The following PDE4B variants were observed in gnomAD, a reference collection of about 807,000 sequenced individuals.
The protein encoded by PDE4B is 3',5'-cyclic-AMP phosphodiesterase 4B.
PDE4B carries 20 observed loss-of-function variants against 82.2 expected under a neutral mutation model. That is an observed-to-expected ratio of 0.24 (90% CI 0.17 to 0.35). The LOEUF is 0.35. PDE4B is among the 10% of genes least tolerant of loss of function. The pLI is 1.00. For missense variants in PDE4B, 655 were observed against 907.2 expected (o/e 0.72, Z 3.57); for synonymous variants, 320 against 318.9 (o/e 1.00, Z -0.04).
chr1:66,294,725 GA>G (rs969118973), intron 7 of PDE4B, among the ~76,000 whole-genome samples: 68 of 151,092 alleles, frequency 4.5e-4, no homozygotes, highest in Non-Finnish European at 5.2e-4. Flanking sequence ...CAAAAGAGGA[GA>G]AAAAAACACA....
chr1:66,356,386 C>T lies in PDE4B; in HGVS notation c.841+766C>T, dbSNP rs180874929. Among the ~76,000 whole-genome samples the T allele has an allele frequency of 1.1e-3, 167 of 152,292 alleles. 1 individual carries two copies. The highest frequency in any genetic ancestry group is 1.3e-3 in the Admixed American group (20 of 15,296). On this transcript the variant is annotated intron_variant, in intron 9 of 16. Coordinates refer to ENST00000341517, the MANE Select transcript of PDE4B (RefSeq NM_002600.4). ...CAGTCTTAAAGGCACTTTTGTCTAA[C>T]GAACCTATTTGGACTATTTTGATTT...
At chr1:65,829,433 C>T (rs2101285550) in intron 1 of PDE4B, among the ~76,000 whole-genome samples, 1 of 152,226 alleles carries the variant, frequency 6.6e-6, no homozygotes, top group South Asian at 2.1e-4. Context: ...ATGGCCTAAA[C>T]CATGCTATAA....
rs1184688292 is a variant in PDE4B at position 66,367,800 on chromosome 1, A to T, written c.1489A>T (p.Asn497Tyr). ...LQEEHCDIFM[N>Y]LTKKQRQTLR... ...AGAAGAACACTGTGACATCTTCATG[A>T]ATCTCACCAAGAAGCAGCGTCAGAC... Residue 497 changes from asparagine (N) to tyrosine (Y), a missense_variant, in exon 14 of 17, where the codon AAT (asparagine) becomes TAT (tyrosine). Physicochemically the swap from Asn to Tyr is moderately radical, Grantham distance 143. This residue lies in a region of PDE4B where 283 missense variants were observed against 516.4 expected (regional missense o/e 0.55). Coordinates refer to ENST00000341517, the MANE Select transcript of PDE4B (RefSeq NM_002600.4). 6.2e-7 allele frequency: 1 copy of T among 1,613,908 alleles called. No individual in the cohort carries two copies. The highest frequency in any genetic ancestry group is 1.1e-5 in the South Asian group (1 of 91,066).
chr1:66,352,539 A>G (rs1351041548), intron 8 of PDE4B, among the ~76,000 whole-genome samples: 1 of 152,158 alleles, frequency 6.6e-6, no homozygotes, highest in Admixed American at 6.6e-5. Flanking sequence ...GCCTTTTATG[A>G]TTCAGTTTCT....
intron 3 of PDE4B, among the ~76,000 whole-genome samples, chr1:66,105,496 TG>T (rs1165997316): frequency 6.6e-6 from 1 of 152,194 alleles, no homozygotes; most frequent in Admixed American, 6.6e-5. Flanking sequence ...GGTAACTTGA[TG>T]GGGATGGCAT....
At chr1:65,857,582 G>A (rs765747724) in intron 1 of PDE4B, among the ~76,000 whole-genome samples, 4 of 152,134 alleles carry the variant, frequency 2.6e-5, no homozygotes, top group Non-Finnish European at 4.4e-5. Flanking sequence ...AGCTACTAGG[G>A]AGCCTGAGGC....
In PDE4B at chr1:66,372,922, C is replaced by G; in HGVS notation, c.*244C>G. 2.2e-6 allele frequency: 1 copy of G among 462,918 alleles called. No homozygotes were observed. The highest frequency in any genetic ancestry group is 3.9e-6 in the Non-Finnish European group (1 of 256,708). The allele number at this position is 462,918 out of a possible 1,614,324, so 28.7% of individuals were successfully genotyped here. On this transcript the variant is annotated 3_prime_UTR_variant, in exon 17 of 17. Coordinates refer to ENST00000341517, the MANE Select transcript of PDE4B (RefSeq NM_002600.4). ...CTGAAGCTGTTGCTGGGGGCCGATTCTGATCAAGACACATGGCTTGAAAAT... is the reference window on the plus strand; with the variant it reads ...CTGAAGCTGTTGCTGGGGGCCGATTGTGATCAAGACACATGGCTTGAAAAT...
intron 3 of PDE4B, among the ~76,000 whole-genome samples, chr1:66,101,654 C>T: frequency 6.6e-6 from 1 of 152,064 alleles, no homozygotes; most frequent in East Asian, 1.9e-4. Context: ...CTGTTCATAT[C>T]CTTTGCCCAC....
intron 3 of PDE4B, among the ~76,000 whole-genome samples, chr1:65,972,503 A>G (rs1363828900): frequency 6.6e-6 from 1 of 152,184 alleles, no homozygotes; most frequent in Admixed American, 6.6e-5. Flanking sequence ...AGCTGAATAT[A>G]TTCCTGTGGA....
chr1:66,070,311 A>T (rs941392517), intron 3 of PDE4B, among the ~76,000 whole-genome samples: 2 of 151,876 alleles, frequency 1.3e-5, no homozygotes, highest in African/African-American at 4.8e-5. Context: ...TATTCTTGTT[A>T]CTATATATAG....
intron 3 of PDE4B, among the ~76,000 whole-genome samples, chr1:66,005,466 G>T (rs1261427154): frequency 1.3e-5 from 2 of 152,112 alleles, no homozygotes; most frequent in African/African-American, 2.4e-5. Context: ...TATTGCTTCT[G>T]CTTTGAGAAA....
chr1:66,202,213 A>G (rs1254004216), intron 3 of PDE4B, among the ~76,000 whole-genome samples: 6 of 151,908 alleles, frequency 3.9e-5, no homozygotes, highest in Admixed American at 1.3e-4. Context: ...TCTGAGAGAC[A>G]GTTTGTTATA....
intron 3 of PDE4B, among the ~76,000 whole-genome samples, chr1:66,246,292 A>C (rs1457538269): frequency 1.3e-5 from 2 of 152,262 alleles, no homozygotes; most frequent in East Asian, 3.8e-4. Flanking sequence ...TAAAGTGAAG[A>C]AATATAAGCA....
chr1:65,820,288 A>C (rs1395947768), intron 1 of PDE4B, among the ~76,000 whole-genome samples: 1 of 152,258 alleles, frequency 6.6e-6, no homozygotes, highest in East Asian at 1.9e-4. Flanking sequence ...TTTATCTCTG[A>C]ATAACCACAT....
intron 3 of PDE4B, among the ~76,000 whole-genome samples, chr1:66,224,187 G>A (rs1265452042): frequency 1.3e-5 from 2 of 151,826 alleles, no homozygotes; most frequent in African/African-American, 2.4e-5. Context: ...ACTCCATTAC[G>A]ACTTCCAGCT....
At chr1:66,251,798 G>A (rs1653808517) in intron 4 of PDE4B, among the ~76,000 whole-genome samples, 1 of 152,158 alleles carries the variant, frequency 6.6e-6, no homozygotes, top group South Asian at 2.1e-4. Flanking sequence ...GATATGAGAG[G>A]ATGAGGAAGT....
chr1:66,339,886 G>C (rs948929603), intron 8 of PDE4B, among the ~76,000 whole-genome samples: 16 of 148,582 alleles, frequency 1.1e-4, no homozygotes, highest in African/African-American at 3.2e-4. Flanking sequence ...AGTCTAAAAG[G>C]CTCCTAGGTT....
intron 3 of PDE4B, among the ~76,000 whole-genome samples, chr1:66,095,807 A>C (rs1360514460): frequency 6.6e-6 from 1 of 151,928 alleles, no homozygotes; most frequent in Non-Finnish European, 1.5e-5. Context: ...TTCACCTTCA[A>C]GTGTGGGAGA....
chr1:65,903,316 A>G (rs1415997990), intron 1 of PDE4B, among the ~76,000 whole-genome samples: 1 of 152,106 alleles, frequency 6.6e-6, no homozygotes, highest in African/African-American at 2.4e-5. Context: ...AATTTCATGG[A>G]TGAGTCCATT....
Sources: allele counts gnomAD v4.1 joint callset (sites outside exome capture counted in the v4.1 genomes callset), GRCh38; gene constraint gnomAD v4.1.1; regional missense constraint gnomAD v4.1.1; transcripts MANE v1.5; gene names NCBI Gene and HGNC (gene_info 2026-07-23, HGNC 2026-07-21).